Variants in DCAF6 observed in about 807,000 individuals in gnomAD.
DCAF6 encodes the protein DDB1- and CUL4-associated factor 6.
Under a neutral mutation model 125.1 loss-of-function variants are expected in DCAF6, and 54 were observed. That is an observed-to-expected ratio of 0.43 (90% CI 0.35 to 0.54). The LOEUF (loss-of-function observed/expected upper bound fraction) is 0.54, where lower values mean the gene tolerates loss of function less well. Ranked by LOEUF, DCAF6 falls within the 20% of genes least tolerant of loss-of-function variation. DCAF6 has a pLI of 0.01. For missense variants in DCAF6, 934 were observed against 1,161.7 expected (o/e 0.80, Z 2.85); for synonymous variants, 371 against 390.4 (o/e 0.95, Z 0.58).
chr1:167,997,206 G>C (rs570347423), intron 7 of DCAF6, among the ~76,000 whole-genome samples: 5 of 152,116 alleles, frequency 3.3e-5, no homozygotes, highest in Admixed American at 6.5e-5. Context: ...TTTTTAATTT[G>C]AAGATTTTAT....
intron 4 of DCAF6, among the ~76,000 whole-genome samples, chr1:167,976,464 T>C (rs1678189790): frequency 6.6e-6 from 1 of 152,192 alleles, no homozygotes. Context: ...AGAGTGAGAC[T>C]GTGTCTCAAA....
chr1:168,043,197 C>G, intron 14 of DCAF6, 57 bp downstream of exon 14: 1 of 1,254,226 alleles, frequency 8.0e-7, no homozygotes, highest in South Asian at 1.3e-5. Context: ...TGTTTATCTA[C>G]TTTCCTGTTC....
chr1:167,974,797 G>A, intron 3 of DCAF6, 33 bp from the exon 4 acceptor site: 4 of 1,435,428 alleles, frequency 2.8e-6, no homozygotes, highest in Non-Finnish European at 3.7e-6. Flanking sequence ...GAAATAATAA[G>A]TTACCATTAA....
chr1:168,052,729 A>T (rs980731946), intron 17 of DCAF6, among the ~76,000 whole-genome samples: 2 of 152,214 alleles, frequency 1.3e-5, no homozygotes, highest in African/African-American at 2.4e-5. Flanking sequence ...AAGATTCTGA[A>T]TGATAGGTAC....
intron 15 of DCAF6, 33 bp from the exon 16 acceptor site, chr1:168,044,867 C>T: frequency 6.3e-7 from 1 of 1,599,866 alleles, no homozygotes; most frequent in Non-Finnish European, 8.5e-7. Flanking sequence ...GCCCACATTA[C>T]CACCTGTTAC....
chr1:167,995,911 A>G (rs554921534), intron 7 of DCAF6, among the ~76,000 whole-genome samples: 1 of 152,290 alleles, frequency 6.6e-6, no homozygotes, highest in South Asian at 2.1e-4. Flanking sequence ...CAAAGACATG[A>G]TCTCTTACTT....
At chr1:167,878,840 T>C in the DCAF6 span, among the ~76,000 whole-genome samples, 1 of 152,174 alleles carries the variant, frequency 6.6e-6, no homozygotes, top group African/African-American at 2.4e-5. Context: ...TTAGCAAAGT[T>C]TCTGCCTCAC....
At chr1:167,893,897 C>T in the DCAF6 span, 39 of 1,613,574 alleles carry the variant, frequency 2.4e-5, no homozygotes, top group Non-Finnish European at 3.2e-5. Context: ...AGGGACATCT[C>T]CAGTTCAGGA....
the DCAF6 span, among the ~76,000 whole-genome samples, chr1:167,877,113 T>G: frequency 2.6e-5 from 4 of 151,846 alleles, no homozygotes; most frequent in East Asian, 3.9e-4. Flanking sequence ...TGATTGCCCG[T>G]AAGGTCACAT....
intron 10 of DCAF6, 148 bp downstream of exon 10, chr1:168,004,941 C>A: frequency 3.5e-6 from 3 of 864,254 alleles, no homozygotes; most frequent in Non-Finnish European, 5.1e-6. Flanking sequence ...GTAACTTAAA[C>A]ACAAAAATTA....
At chr1:168,071,341 C>T (rs1242854057) in intron 21 of DCAF6, among the ~76,000 whole-genome samples, 8 of 152,138 alleles carry the variant, frequency 5.3e-5, no homozygotes, top group African/African-American at 9.7e-5. Flanking sequence ...CAGTGGCTCA[C>T]GCCTGTAATC....
At chr1:167,866,508 CGA>C in the DCAF6 span, among the ~76,000 whole-genome samples, 28 of 132,560 alleles carry the variant, frequency 2.1e-4, no homozygotes, top group African/African-American at 6.7e-4. Context: ...CCTGACCTGA[CGA>C]AAGTGCACAC....
chr1:168,045,177 T>C lies in DCAF6; in HGVS notation c.2208T>C (p.Asp736=). Reference sequence around the variant, plus strand: ...TTCAGGACACAGATGACAGTGATGATGACCCAGTCCTGATCCCAGGTGCAA... The same window carrying C: ...TTCAGGACACAGATGACAGTGATGACGACCCAGTCCTGATCCCAGGTGCAA... ...SALQDTDDSD[D]DPVLIPGARY... is the part of the protein sequence containing the mutation. The change falls in exon 16 of 22, where the codon GAT becomes GAC. Residue 736 remains aspartate (D), a synonymous_variant. Coordinates refer to ENST00000367840, the MANE Select transcript of DCAF6 (RefSeq NM_001198956.2). 6.2e-7 allele frequency: 1 copy of C among 1,613,938 alleles called. No homozygotes were observed. The highest frequency in any genetic ancestry group is 8.5e-7 in the Non-Finnish European group (1 of 1,179,900).
chr1:167,996,177 C>A (rs1681664706), intron 7 of DCAF6, among the ~76,000 whole-genome samples: 1 of 151,892 alleles, frequency 6.6e-6, no homozygotes, highest in Admixed American at 6.6e-5. Context: ...CTAATAATTT[C>A]TTTCATTTTT....
chr1:168,028,300 C>G (rs1450120032), intron 12 of DCAF6, among the ~76,000 whole-genome samples: 1 of 151,942 alleles, frequency 6.6e-6, no homozygotes, highest in Non-Finnish European at 1.5e-5. Flanking sequence ...AAAATAACAA[C>G]AGCAAAAAGA....
intron 4 of DCAF6, among the ~76,000 whole-genome samples, chr1:167,984,080 ATTCT>A (rs1173526418): frequency 5.3e-5 from 8 of 152,318 alleles, no homozygotes; most frequent in African/African-American, 1.9e-4. Context: ...AAGGCTCACT[ATTCT>A]TTCTGAGATC....
At chr1:167,957,068 A>G (rs973834453) in intron 2 of DCAF6, among the ~76,000 whole-genome samples, 1 of 152,008 alleles carries the variant, frequency 6.6e-6, no homozygotes, top group Non-Finnish European at 1.5e-5. Flanking sequence ...AACCTGGTCC[A>G]TGTGCTGACA....
Position 167,936,709 on chromosome 1 carries a change from G to T in DCAF6, c.-203G>T. The T allele has an allele frequency of 1.7e-6, 1 of 579,482 alleles. No homozygotes were observed. The highest frequency in any genetic ancestry group is 3.1e-6 in the Non-Finnish European group (1 of 325,076). The allele number at this position is 579,482 out of a possible 1,614,324, so 35.9% of individuals were successfully genotyped here. On this transcript the variant is annotated 5_prime_UTR_variant, in exon 1 of 22. Coordinates refer to ENST00000367840, the MANE Select transcript of DCAF6 (RefSeq NM_001198956.2). ...GATGTTCTGGTTAGTCTAAGAAGGA[G>T]AGTATGAGGCGAGCTCCGGCCCGGG...
chr1:167,950,245 C>G (rs1204980663), intron 1 of DCAF6, among the ~76,000 whole-genome samples: 1 of 151,602 alleles, frequency 6.6e-6, no homozygotes, highest in African/African-American at 2.4e-5. Flanking sequence ...TACTTTGTTT[C>G]TTAACTCGTA....
Sources: allele counts gnomAD v4.1 joint callset (sites outside exome capture counted in the v4.1 genomes callset), GRCh38; gene constraint gnomAD v4.1.1; transcripts MANE v1.5; gene names NCBI Gene and HGNC (gene_info 2026-07-23, HGNC 2026-07-21).